PRR16: variants seen among roughly 807,000 people sequenced by gnomAD.
PRR16 encodes the protein protein Largen.
In PRR16, 6 loss-of-function variants were observed where a neutral mutation model predicts 18.2. The observed-to-expected ratio is 0.33, with a 90% CI of 0.18 to 0.65. The LOEUF (loss-of-function observed/expected upper bound fraction) is 0.65, where lower values mean the gene tolerates loss of function less well. Among genes scored for constraint, PRR16 ranks in the 30% least tolerant of loss-of-function variants. The pLI, the probability that PRR16 is intolerant of heterozygous loss-of-function variation, is 0.74. For missense variants in PRR16, 412 were observed against 376.6 expected, an observed-to-expected ratio of 1.09 and a Z score of -0.78; for synonymous variants, 151 against 147.8, an observed-to-expected ratio of 1.02 and a Z score of -0.16.
At position 120,474,961 on chromosome 5, in the gene PRR16, C is replaced by A. The variant is rs17146658; in HGVS notation, c.159+10316C>A. On this transcript the variant is annotated intron_variant, in intron 1 of 1. Coordinates refer to ENST00000407149, the MANE Select transcript of PRR16 (RefSeq NM_001300783.2). ...AGTCTTATGCTGCTTCTGCCATTTT[C>A]ATTTCTGTAGACAGAAGAGAATTTA... Among the ~76,000 whole-genome samples, 971 of 152,268 alleles carry A rather than the reference C, an allele frequency of 6.4e-3. 48 individuals carry two copies. The highest frequency in any genetic ancestry group is 0.058 in the Admixed American group (882 of 15,288).
intron 1 of PRR16, among the ~76,000 whole-genome samples, chr5:120,549,653 G>A (rs1157177): frequency 0.18 from 27,015 of 151,792 alleles, 3,087 homozygotes; most frequent in East Asian, 0.6. Flanking sequence ...ACATGTCTTG[G>A]CTAAAGTAGA....
At chr5:120,497,241 C>T (rs1437354562) in intron 1 of PRR16, among the ~76,000 whole-genome samples, 1 of 151,378 alleles carries the variant, frequency 6.6e-6, no homozygotes, top group Non-Finnish European at 1.5e-5. Flanking sequence ...CTGTTTACTT[C>T]TTCTGTATCC....
At chr5:120,581,973 A>G (rs1753286947) in intron 1 of PRR16, among the ~76,000 whole-genome samples, 1 of 152,112 alleles carries the variant, frequency 6.6e-6, no homozygotes, top group Non-Finnish European at 1.5e-5. Flanking sequence ...GAGTAATTTC[A>G]AAAGAAATTA....
At chr5:120,779,187 C>T in the PRR16 span, among the ~76,000 whole-genome samples, 1 of 152,170 alleles carries the variant, frequency 6.6e-6, no homozygotes, top group African/African-American at 2.4e-5. Flanking sequence ...CCATTCATTT[C>T]ACAGCGCTCT....
intron 1 of PRR16, among the ~76,000 whole-genome samples, chr5:120,657,229 C>T (rs1379529092): frequency 6.6e-6 from 1 of 151,938 alleles, no homozygotes; most frequent in Non-Finnish European, 1.5e-5. Flanking sequence ...TAGCATGCCT[C>T]TTGCCAGCCC....
At chr5:120,745,281 T>C in the PRR16 span, among the ~76,000 whole-genome samples, 1 of 152,228 alleles carries the variant, frequency 6.6e-6, no homozygotes. Context: ...ATCTTGCTTC[T>C]GAGTGTTTGA....
intron 1 of PRR16, among the ~76,000 whole-genome samples, chr5:120,479,343 A>G (rs984350719): frequency 1.8e-4 from 27 of 152,204 alleles, no homozygotes; most frequent in Non-Finnish European, 3.4e-4. Context: ...AGACCATGCT[A>G]TGTTGCAAAC....
At chr5:120,717,479 A>C in the PRR16 span, among the ~76,000 whole-genome samples, 2 of 152,192 alleles carry the variant, frequency 1.3e-5, no homozygotes, top group African/African-American at 4.8e-5. Context: ...TCTCATGCAG[A>C]AGATATTTGC....
the PRR16 span, among the ~76,000 whole-genome samples, chr5:120,751,039 T>C: frequency 1.3e-5 from 2 of 152,178 alleles, no homozygotes; most frequent in Non-Finnish European, 2.9e-5. Flanking sequence ...TCATGTGATA[T>C]TTGTCTTTCT....
intron 1 of PRR16, among the ~76,000 whole-genome samples, chr5:120,593,844 C>A (rs1753718270): frequency 6.6e-6 from 1 of 151,968 alleles, no homozygotes; most frequent in Non-Finnish European, 1.5e-5. Flanking sequence ...AAGTTTGGCT[C>A]AACATATGCA....
At chr5:120,614,282 A>G (rs1383060834) in intron 1 of PRR16, among the ~76,000 whole-genome samples, 3 of 152,182 alleles carry the variant, frequency 2.0e-5, no homozygotes, top group African/African-American at 4.8e-5. Context: ...GCTTTTTTGT[A>G]TCTTCTTATT....
chr5:120,686,063 C>G lies in PRR16; in HGVS notation c.269C>G (p.Ser90Cys), dbSNP rs751118607. ...AGTAGCTCAAGTGGCACAACAGCCT[C>G]CAGCCTAGAGAAGATCAAAGTGCAG... ...LNSSSSGTTASSLEKIKVQAN... is the reference protein window; with the variant it reads ...LNSSSSGTTACSLEKIKVQAN... The change falls in exon 2 of 2, where the codon TCC (serine) becomes TGC (cysteine). Residue 90 changes from serine to cysteine, a missense_variant. Coordinates refer to ENST00000407149, the MANE Select transcript of PRR16 (RefSeq NM_001300783.2). The G allele has an allele frequency of 1.9e-6, 3 of 1,614,104 alleles. No individual in the cohort carries two copies. The highest frequency in any genetic ancestry group is 1.6e-4 in the Middle Eastern group (1 of 6,062).
At chr5:120,629,045 C>G (rs1035934652) in intron 1 of PRR16, among the ~76,000 whole-genome samples, 3 of 151,972 alleles carry the variant, frequency 2.0e-5, no homozygotes, top group African/African-American at 4.8e-5. Flanking sequence ...ACTCTCCATG[C>G]TCAAATAGGC....
In PRR16 at chr5:120,650,334, T is replaced by C. The variant is rs940228536; in HGVS notation, c.160-35620T>C. On this transcript the variant is annotated intron_variant, in intron 1 of 1. Coordinates refer to ENST00000407149, the MANE Select transcript of PRR16 (RefSeq NM_001300783.2). ...AAATGATTTTTTTTCTTTTTTCTTT[T>C]TTTTTTATTATACTTTAAGTTTTAG... Among the ~76,000 whole-genome samples, 30 of 152,190 alleles carry C rather than the reference T, an allele frequency of 2.0e-4. 1 individual carries two copies. Among genetic ancestry groups the C allele is most frequent in the Middle Eastern group, 6.8e-3 (2 of 294 alleles).
At chr5:120,558,350 A>G (rs947416369) in intron 1 of PRR16, among the ~76,000 whole-genome samples, 1 of 151,846 alleles carries the variant, frequency 6.6e-6, no homozygotes, top group Non-Finnish European at 1.5e-5. Flanking sequence ...TGTCTCCATG[A>G]TGAACTCATC....
intron 1 of PRR16, among the ~76,000 whole-genome samples, chr5:120,611,986 C>T (rs1046312315): frequency 6.6e-6 from 1 of 152,198 alleles, no homozygotes; most frequent in Non-Finnish European, 1.5e-5. Context: ...TGCCCAAGAC[C>T]ATGGGAACCC....
intron 1 of PRR16, among the ~76,000 whole-genome samples, chr5:120,580,040 T>G (rs1753215779): frequency 6.6e-6 from 1 of 152,210 alleles, no homozygotes. Flanking sequence ...ACTTGCCTAT[T>G]GTTGTTGTAA....
the PRR16 span, among the ~76,000 whole-genome samples, chr5:120,763,112 T>A: frequency 6.6e-6 from 1 of 151,912 alleles, no homozygotes; most frequent in African/African-American, 2.4e-5. Flanking sequence ...TTCTGGATTG[T>A]TTATTCTGTT....
intron 1 of PRR16, among the ~76,000 whole-genome samples, chr5:120,627,528 T>C (rs996039730): frequency 2.0e-5 from 3 of 152,046 alleles, no homozygotes; most frequent in Admixed American, 1.3e-4. Flanking sequence ...AATAGACAGA[T>C]GGAGAAAAGA....
Sources: gnomAD v4.1 joint callset for allele counts (sites outside exome capture counted in the v4.1 genomes callset) on GRCh38, gnomAD v4.1.1 for gene constraint, MANE v1.5 for transcripts, NCBI Gene and HGNC (gene_info 2026-07-23, HGNC 2026-07-21) for gene names.